The following ROBO2 variants were observed in gnomAD, a reference collection of about 807,000 sequenced individuals.
ROBO2 encodes the protein roundabout guidance receptor 2.
In ROBO2, 53 loss-of-function variants were observed where a neutral mutation model predicts 160.8. That is an observed-to-expected ratio of 0.33 (90% CI 0.26 to 0.41). The LOEUF (loss-of-function observed/expected upper bound fraction) is 0.41. ROBO2 is among the 10% of genes least tolerant of loss of function. ROBO2 has a pLI of 1.00. For missense variants in ROBO2, 1,577 were observed against 1,722.4 expected (o/e 0.92, Z 1.49); for synonymous variants, 664 against 611.7 (o/e 1.09, Z -1.26).
chr3:76,450,366 CAT>C (rs1387918343), intron 2 of ROBO2, among the ~76,000 whole-genome samples: 1 of 152,108 alleles, frequency 6.6e-6, no homozygotes, highest in African/African-American at 2.4e-5. Flanking sequence ...AATTTTCAGT[CAT>C]AAAATTTATC....
intron 2 of ROBO2, among the ~76,000 whole-genome samples, chr3:76,929,375 G>C (rs1266900467): frequency 6.6e-6 from 1 of 152,184 alleles, no homozygotes; most frequent in Non-Finnish European, 1.5e-5. Context: ...AAACCTTGGA[G>C]ACATTTTCTA....
chr3:76,960,485 AT>A (rs2079571255), intron 2 of ROBO2, among the ~76,000 whole-genome samples: 1 of 152,086 alleles, frequency 6.6e-6, no homozygotes. Flanking sequence ...CCTTCAATAA[AT>A]GCTTTAATTT....
intron 2 of ROBO2, among the ~76,000 whole-genome samples, chr3:76,739,827 C>T (rs1560476328): frequency 1.3e-5 from 2 of 152,092 alleles, no homozygotes; most frequent in Non-Finnish European, 1.5e-5. Flanking sequence ...ATCTTAAAAT[C>T]ATTGTTTACA....
chr3:77,040,665 T>A lies in ROBO2; in HGVS notation c.-121T>A, dbSNP rs1303629720. The A allele has an allele frequency of 3.2e-6, 5 of 1,582,832 alleles. No homozygotes were observed. The African/African-American group carries it at 6.8e-5, about 21-fold the overall frequency. Reference sequence around the variant, plus strand: ...ATCTTGCGATTTGCTCTTCTTGACTTTAATTAGTATCTAGGAAAGTCTAAA... The same window carrying A: ...ATCTTGCGATTTGCTCTTCTTGACTATAATTAGTATCTAGGAAAGTCTAAA... On this transcript the variant is annotated 5_prime_UTR_variant, in exon 1 of 26. Transcript: ENST00000461745.
intron 2 of ROBO2, among the ~76,000 whole-genome samples, chr3:77,297,812 G>A (rs998037): frequency 0.32 from 49,215 of 152,016 alleles, 9,046 homozygotes; most frequent in Middle Eastern, 0.47. Context: ...GGAAGTTTAT[G>A]TGGAATAGAA....
At chr3:77,631,409 C>G (rs1214372720) in intron 23 of ROBO2, 1 of 152,132 alleles carries the variant, frequency 6.6e-6, no homozygotes, top group Non-Finnish European at 1.5e-5. Flanking sequence ...TGACTTTCAT[C>G]TCTTTTATGT....
intron 2 of ROBO2, among the ~76,000 whole-genome samples, chr3:76,739,803 G>A (rs1222268789): frequency 6.6e-6 from 1 of 152,046 alleles, no homozygotes; most frequent in African/African-American, 2.4e-5. Context: ...TCCTTATGAA[G>A]CCCTCTGACA....
chr3:76,904,820 G>A (rs2075481241), intron 2 of ROBO2, among the ~76,000 whole-genome samples: 2 of 152,114 alleles, frequency 1.3e-5, no homozygotes, highest in Admixed American at 6.6e-5. Context: ...GCTCTTATTT[G>A]CCTCTATGAT....
chr3:76,912,305 G>GT (rs772988094), intron 2 of ROBO2, among the ~76,000 whole-genome samples: 3 of 152,160 alleles, frequency 2.0e-5, no homozygotes, highest in East Asian at 3.9e-4. Flanking sequence ...ATACAATAAG[G>GT]TTTTATATTC....
chr3:76,967,865 C>T (rs2059387182), intron 2 of ROBO2, among the ~76,000 whole-genome samples: 1 of 152,038 alleles, frequency 6.6e-6, no homozygotes, highest in Admixed American at 6.6e-5. Flanking sequence ...TTTTATGGTA[C>T]TTTCTTCCCT....
At chr3:77,458,587 T>G (rs111238960) in intron 2 of ROBO2, among the ~76,000 whole-genome samples, 1,616 of 48,390 alleles carry the variant, frequency 0.033, 30 homozygotes, top group African/African-American at 0.068. Context: ...CCAGTTTTTG[T>G]TTTTCTTTTT....
chr3:77,370,528 G>A (rs774827420), intron 2 of ROBO2, among the ~76,000 whole-genome samples: 1 of 152,142 alleles, frequency 6.6e-6, no homozygotes, highest in East Asian at 1.9e-4. Context: ...GCAGCAGGTC[G>A]AGTGTATTGG....
rs368966627 is a variant in ROBO2, at chr3:76,487,274, C to T, written c.109+549672C>T. On this transcript the variant is annotated intron_variant, in intron 2 of 26. Coordinates refer to the ROBO2 transcript ENST00000487694. ...GGATTACAGGAGTGAGCCACTGCAC[C>T]CAGCGAGAATCACATATTGTTCTGC... Among the ~76,000 whole-genome samples, 151 of 151,984 alleles carry T rather than the reference C, an allele frequency of 9.9e-4. 1 individual carries two copies. In the South Asian group the frequency reaches 0.026, roughly 26 times the overall value.
chr3:76,681,263 G>A (rs1055839837), intron 2 of ROBO2, among the ~76,000 whole-genome samples: 2 of 152,164 alleles, frequency 1.3e-5, no homozygotes, highest in Non-Finnish European at 2.9e-5. Flanking sequence ...TGTTGGTTGA[G>A]TACATGTGAG....
intron 2 of ROBO2, among the ~76,000 whole-genome samples, chr3:76,060,869 C>T (rs1452670927): frequency 2.0e-5 from 3 of 152,112 alleles, no homozygotes; most frequent in Admixed American, 6.6e-5. Context: ...CAAACTTCGC[C>T]ATCTCATGAT....
intron 9 of ROBO2, among the ~76,000 whole-genome samples, chr3:77,559,064 T>C (rs1431704469): frequency 6.6e-6 from 1 of 152,096 alleles, no homozygotes; most frequent in Non-Finnish European, 1.5e-5. Flanking sequence ...ACCTTATCAA[T>C]GGCTGTTGGC....
At chr3:76,649,072 A>T (rs963409187) in intron 2 of ROBO2, among the ~76,000 whole-genome samples, 6 of 152,122 alleles carry the variant, frequency 3.9e-5, no homozygotes, top group Non-Finnish European at 8.8e-5. Context: ...AATCCAGTAT[A>T]GTAGGAAGAT....
intron 2 of ROBO2, among the ~76,000 whole-genome samples, chr3:76,997,551 A>G (rs2061089204): frequency 6.6e-6 from 1 of 152,186 alleles, no homozygotes; most frequent in African/African-American, 2.4e-5. Context: ...TGGTTTTCAA[A>G]GATTAGAGAA....
intron 2 of ROBO2, among the ~76,000 whole-genome samples, chr3:77,287,781 C>T (rs932818588): frequency 1.3e-5 from 2 of 152,128 alleles, no homozygotes; most frequent in African/African-American, 2.4e-5. Flanking sequence ...GCAGATTGTA[C>T]TCCACATGTT....
Sources: allele counts gnomAD v4.1 joint callset (sites outside exome capture counted in the v4.1 genomes callset), GRCh38; gene constraint gnomAD v4.1.1; transcripts MANE v1.5; gene names NCBI Gene and HGNC (gene_info 2026-07-23, HGNC 2026-07-21).